Variants in FNIP2 observed in about 807,000 individuals in gnomAD.
FNIP2 encodes folliculin interacting protein 2.
Under a neutral mutation model 108.7 loss-of-function variants are expected in FNIP2, and 32 were observed. That is an observed-to-expected ratio of 0.29 (90% CI 0.22 to 0.40). The LOEUF (loss-of-function observed/expected upper bound fraction) is 0.40, where lower values mean the gene tolerates loss of function less well. Ranked by LOEUF, FNIP2 falls within the 10% of genes least tolerant of loss-of-function variation. The pLI is 1.00. For missense variants in FNIP2, 1,202 were observed against 1,381.6 expected, an observed-to-expected ratio of 0.87 and a Z score of 2.06; for synonymous variants, 480 against 496.7, an observed-to-expected ratio of 0.97 and a Z score of 0.45.
chr4:158,888,059 C>T (rs1308051398), intron 14 of FNIP2, among the ~76,000 whole-genome samples: 1 of 152,188 alleles, frequency 6.6e-6, no homozygotes, highest in Non-Finnish European at 1.5e-5. Context: ...TGAATTGTAA[C>T]TAAAAGTAGT....
At chr4:158,870,187 T>G in intron 13 of FNIP2, 126 bp from the exon 14 acceptor site, 1 of 987,540 alleles carries the variant, frequency 1.0e-6, no homozygotes, top group Non-Finnish European at 1.5e-6. Flanking sequence ...TACTTGAGGG[T>G]TGGTGACATG....
At chr4:158,857,298 A>G (rs995701489) in intron 8 of FNIP2, among the ~76,000 whole-genome samples, 2 of 152,248 alleles carry the variant, frequency 1.3e-5, no homozygotes, top group African/African-American at 2.4e-5. Flanking sequence ...ATAAACTCAG[A>G]AGAATTTCCT....
At chr4:158,794,775 T>C (rs1379152763) in intron 1 of FNIP2, 1 of 152,254 alleles carries the variant, frequency 6.6e-6, no homozygotes, top group Non-Finnish European at 1.5e-5. Context: ...ATTATCTTTC[T>C]GTTGAACAGC....
intron 1 of FNIP2, among the ~76,000 whole-genome samples, chr4:158,811,524 C>G (rs1280169815): frequency 6.6e-6 from 1 of 151,314 alleles, no homozygotes; most frequent in Non-Finnish European, 1.5e-5. Flanking sequence ...ATCATTTCAT[C>G]TCTCTGTTTT....
At chr4:158,871,358 T>C (rs1780938268) in intron 14 of FNIP2, 5 of 984,226 alleles carry the variant, frequency 5.1e-6, no homozygotes, top group Non-Finnish European at 6.0e-6. Flanking sequence ...CTCATCGCAT[T>C]AAGAAAATCA....
At chr4:158,848,861 A>G (rs897511769) in intron 7 of FNIP2, among the ~76,000 whole-genome samples, 2 of 152,226 alleles carry the variant, frequency 1.3e-5, no homozygotes, top group African/African-American at 4.8e-5. Flanking sequence ...TTTATATGGC[A>G]TGGGAGCCTT....
In FNIP2 at chr4:158,869,322, G is replaced by A. The variant is rs1314321471; in HGVS notation, c.2686G>A (p.Ala896Thr). 2.5e-6 allele frequency: 4 copies of A among 1,613,722 alleles called. No homozygotes were observed. Among genetic ancestry groups the A allele is most frequent in the South Asian group, 1.1e-5 (1 of 91,026 alleles). Residue 896 changes from alanine (A) to threonine (T), a missense_variant, in exon 13 of 17, where the codon GCC becomes ACC. Physicochemically the swap from Ala to Thr is moderately conservative, Grantham distance 58. Around this residue, in one of 5 missense-constraint regions of FNIP2, gnomAD observed 878 missense variants for 990.3 expected, o/e 0.89. Coordinates refer to ENST00000264433, the MANE Select transcript of FNIP2 (RefSeq NM_020840.3). ...DIPRNESSDS[A>T]LGDSDDEACA... ...TCCCCGAAATGAAAGCTCAGATAGC[G>A]CCCTGGGAGACAGTGACGACGAAGC...
intron 14 of FNIP2, among the ~76,000 whole-genome samples, chr4:158,877,576 A>C (rs1215383359): frequency 6.6e-6 from 1 of 152,184 alleles, no homozygotes; most frequent in South Asian, 2.1e-4. Flanking sequence ...TGGTATTTTC[A>C]TGTGTTAAAA....
intron 7 of FNIP2, chr4:158,835,973 C>G (rs553115895): frequency 2.6e-5 from 4 of 152,570 alleles, no homozygotes; most frequent in African/African-American, 9.6e-5. Context: ...CTGTTGGTTT[C>G]ACCTTTTGTA....
intron 1 of FNIP2, among the ~76,000 whole-genome samples, chr4:158,787,178 C>A (rs967634022): frequency 3.3e-5 from 5 of 152,172 alleles, no homozygotes; most frequent in African/African-American, 1.2e-4. Context: ...GGAATCATTT[C>A]TTTTCCTTGG....
intron 14 of FNIP2, among the ~76,000 whole-genome samples, chr4:158,882,394 C>T (rs1288310066): frequency 6.6e-6 from 1 of 151,252 alleles, no homozygotes; most frequent in African/African-American, 2.4e-5. Flanking sequence ...GGCGCCTCCG[C>T]CCGGCCACCA....
chr4:158,774,024 A>C (rs533857981), intron 1 of FNIP2, among the ~76,000 whole-genome samples: 35 of 152,340 alleles, frequency 2.3e-4, no homozygotes, highest in African/African-American at 8.4e-4. Flanking sequence ...CACAAAACAA[A>C]AGAAAAATGT....
At position 158,907,780 on chromosome 4, in the gene FNIP2, T is replaced by G. The variant is rs1729968814; in HGVS notation, c.*3236T>G. 6.6e-6 allele frequency: 1 copy of G among 152,192 alleles called. No individual in the cohort carries two copies. 9.4% of individuals were successfully genotyped at this position (152,192 alleles called of 1,614,324 possible). On this transcript the variant is annotated 3_prime_UTR_variant, in exon 17 of 17. Transcript: ENST00000264433. The stretch of plus-strand genomic sequence containing the variant: ...CCTAAATCAAGAAGTCCCCTCTGAA[T>G]GTTAATTTTTAAATGTCAAAATATG...
In FNIP2 at chr4:158,834,319, T is replaced by TCTCTCTCTCTCTCTCC. The variant is rs1328307802; in HGVS notation, c.655+702_655+703insTCTCCCTCTCTCTCTC. On this transcript the variant is annotated intron_variant, in intron 6 of 16. Coordinates refer to ENST00000264433, the MANE Select transcript of FNIP2 (RefSeq NM_020840.3). ...CTCTCTCTCTCTCTCTCTCTCTCTC[T>TCTCTCTCTCTCTCTCC]CTCTCTCTCTCCCTCTCTAAGTAGT... The TCTCTCTCTCTCTCTCC allele has an allele frequency of 1.1e-4, 16 of 149,828 alleles. 1 individual carries two copies. The highest frequency in any genetic ancestry group is 4.0e-4 in the African/African-American group (16 of 39,558). The allele number at this position is 149,828 out of a possible 1,614,324, so 9.3% of individuals were successfully genotyped here. A position where few individuals can be genotyped will look rare whatever the true frequency, so the allele number is the denominator to read the frequency against.
intron 14 of FNIP2, among the ~76,000 whole-genome samples, chr4:158,877,892 A>G (rs1348124844): frequency 6.6e-6 from 1 of 152,092 alleles, no homozygotes; most frequent in Non-Finnish European, 1.5e-5. Context: ...GTAAGCTATG[A>G]TGGAGCCACT....
intron 14 of FNIP2, among the ~76,000 whole-genome samples, chr4:158,887,980 C>T (rs1368613636): frequency 6.6e-6 from 1 of 152,172 alleles, no homozygotes; most frequent in African/African-American, 2.4e-5. Flanking sequence ...AGAACTTTAG[C>T]TTCAACTCTC....
intron 16 of FNIP2, among the ~76,000 whole-genome samples, chr4:158,901,475 C>T (rs549135587): frequency 6.6e-5 from 10 of 152,120 alleles, no homozygotes; most frequent in African/African-American, 2.2e-4. Flanking sequence ...CTTGGGGTTG[C>T]TCTTCTCGAG....
At chr4:158,867,951 TG>T in intron 12 of FNIP2, 150 bp from the exon 13 acceptor site, 1 of 1,118,096 alleles carries the variant, frequency 8.9e-7, no homozygotes, top group Non-Finnish European at 1.3e-6. Flanking sequence ...AACTAAAACG[TG>T]GTCCTTACTA....
rs1253452552 is a variant in FNIP2, at chr4:158,906,837, G to A, written c.*2293G>A. The A allele has an allele frequency of 6.6e-6, 1 of 151,892 alleles. No homozygotes were observed. The highest frequency in any genetic ancestry group is 1.9e-4 in the East Asian group (1 of 5,204). The allele number at this position is 151,892 out of a possible 1,614,324, so 9.4% of individuals were successfully genotyped here. On this transcript the variant is annotated 3_prime_UTR_variant, in exon 17 of 17. Coordinates refer to ENST00000264433, the MANE Select transcript of FNIP2 (RefSeq NM_020840.3). ...AAAAAACCTCACAGAATTGTGTTGA[G>A]ATCCACCGCTCACACGCCGTACACC...
Sources: allele counts gnomAD v4.1 joint callset (sites outside exome capture counted in the v4.1 genomes callset), GRCh38; gene constraint gnomAD v4.1.1; regional missense constraint gnomAD v4.1.1; transcripts MANE v1.5; gene names NCBI Gene and HGNC (gene_info 2026-07-23, HGNC 2026-07-21).